The following MYH3 variants were observed in gnomAD, a reference collection of about 807,000 sequenced individuals.
MYH3 encodes myosin heavy chain 3.
A neutral mutation model predicts 238.0 loss-of-function variants in MYH3; 130 were observed. That is an observed-to-expected ratio of 0.55 (90% confidence interval 0.47 to 0.63). The LOEUF (loss-of-function observed/expected upper bound fraction) is 0.63, where lower values mean the gene tolerates loss of function less well. MYH3 is among the 30% of genes least tolerant of loss of function. The pLI, the probability that MYH3 is intolerant of heterozygous loss-of-function variation, is 0.00. For missense variants in MYH3, 1,853 were observed against 2,374.9 expected (o/e 0.78, Z 4.57); for synonymous variants, 880 against 924.1 (o/e 0.95, Z 0.86).
intron 17 of MYH3, among the ~76,000 whole-genome samples, chr17:10,641,595 ACCT>A (rs775570480): frequency 6.1e-5 from 9 of 148,326 alleles, no homozygotes; most frequent in Non-Finnish European, 1.2e-4. Flanking sequence ...GCTCACTGCA[ACCT>A]CCTCCTCCTA....
At chr17:10,659,320 G>A (rs540273313), upstream of MYH3, among the ~76,000 whole-genome samples, 6 of 152,216 alleles carry the variant, frequency 3.9e-5, no homozygotes, top group East Asian at 1.9e-4. Context: ...ATGGCTTCTC[G>A]CCTGGCTTTC....
At position 10,631,524 on chromosome 17, in the gene MYH3, G is replaced by C. The variant is rs577359224; in HGVS notation, c.5286+87C>G. 13 of 1,591,698 alleles carry C rather than the reference G, an allele frequency of 8.2e-6. No individual in the cohort carries two copies. In the African/African-American group the frequency reaches 1.1e-4, roughly 13 times the overall value. On this transcript the variant is annotated intron_variant, in intron 36 of 40. Transcript: ENST00000583535. ...GCAGAATGTGCACCAGGTGTGGCTGGGGGAGACCGCACCTGTCTAACTATG... is the reference window on the plus strand; with the variant it reads ...GCAGAATGTGCACCAGGTGTGGCTGCGGGAGACCGCACCTGTCTAACTATG...
intron 27 of MYH3, 26 bp downstream of exon 27, chr17:10,638,017 T>G (rs1216364421): frequency 1.9e-6 from 3 of 1,613,920 alleles, no homozygotes; most frequent in Admixed American, 3.3e-5. Context: ...TGGAAAGCCT[T>G]GAGCCACCCC....
the MYH3 span, among the ~76,000 whole-genome samples, chr17:10,666,127 A>G: frequency 6.6e-6 from 1 of 152,244 alleles, no homozygotes; most frequent in Non-Finnish European, 1.5e-5. Flanking sequence ...CAAAATGCAA[A>G]GCCAGGAAAC....
the MYH3 span, among the ~76,000 whole-genome samples, chr17:10,667,761 A>AAAATAT: frequency 1.2e-4 from 19 of 152,204 alleles, no homozygotes; most frequent in African/African-American, 4.6e-4. Flanking sequence ...TTAAAAAAAA[A>AAAATAT]ACAGTGTTCT....
chr17:10,644,794 G>T, intron 12 of MYH3, 92 bp from the exon 13 acceptor site: 1 of 1,004,068 alleles, frequency 1.0e-6, no homozygotes, highest in Non-Finnish European at 1.6e-6. Flanking sequence ...GTTCATCTTG[G>T]TACATTGTGC....
rs761623039 is a variant in MYH3, at chr17:10,629,695, C to A, written c.5698G>T (p.Ala1900Ser). 26 of 1,614,214 alleles carry A rather than the reference C, an allele frequency of 1.6e-5. No homozygotes were observed. Among genetic ancestry groups the A allele is most frequent in the Non-Finnish European group, 2.2e-5 (26 of 1,180,046 alleles). The change falls in exon 40 of 41, where the codon GCT becomes TCT. Residue 1900 changes from alanine (A) to serine (S), a missense_variant. Coordinates refer to ENST00000583535, the MANE Select transcript of MYH3 (RefSeq NM_002470.4). ...TCGGCCTCCTCCAGCTCATGCTGAG[C>A]CTTTCGGAATTTGGTGAGATGAGCA... ...ANAHLTKFRK[A>S]QHELEEAEER... is the part of the protein sequence containing the mutation.
upstream of MYH3, among the ~76,000 whole-genome samples, chr17:10,659,855 C>T (rs1025709518): frequency 6.6e-6 from 1 of 152,238 alleles, no homozygotes; most frequent in Non-Finnish European, 1.5e-5. Context: ...TAGAGGTCAG[C>T]TCTCCAGGAG....
At chr17:10,667,909 T>C in the MYH3 span, among the ~76,000 whole-genome samples, 1 of 152,096 alleles carries the variant, frequency 6.6e-6, no homozygotes, top group Non-Finnish European at 1.5e-5. Context: ...TTGAACCATA[T>C]AAATGGTTTA....
In MYH3 at chr17:10,639,596, G is replaced by A; in HGVS notation, c.2889C>T (p.Ala963=). 1 of 1,614,010 alleles carries A rather than the reference G, an allele frequency of 6.2e-7. No homozygotes were observed. Among genetic ancestry groups the A allele is most frequent in the Non-Finnish European group, 8.5e-7 (1 of 1,180,002 alleles). Residue 963 remains alanine (A), a synonymous_variant, in exon 23 of 41, where the codon GCC becomes GCT. Coordinates refer to ENST00000583535, the MANE Select transcript of MYH3 (RefSeq NM_002470.4). ...KDIDDLELTL[A]KVEKEKHATE... The stretch of plus-strand genomic sequence containing the variant: ...TGGCATGCTTCTCCTTCTCAACCTT[G>A]GCCAGGGTCAACTCAAGGTCATCAA...
At chr17:10,670,537 G>A in the MYH3 span, among the ~76,000 whole-genome samples, 2 of 152,076 alleles carry the variant, frequency 1.3e-5, no homozygotes, top group African/African-American at 2.4e-5. This position sits in a 1 kb window ranked among gnomAD's most constrained non-coding sequence, Gnocchi z 7.0. Context: ...TTGAACTCTG[G>A]GGCTCAAGCA....
the MYH3 span, among the ~76,000 whole-genome samples, chr17:10,670,595 C>T: frequency 6.6e-6 from 1 of 152,064 alleles, no homozygotes. This position sits in a 1 kb window ranked among gnomAD's most constrained non-coding sequence, Gnocchi z 7.0. Context: ...AAGCACATGC[C>T]ACAGTGCCCA....
In MYH3 at chr17:10,631,943, C is replaced by G. The variant is rs766750914; in HGVS notation, c.5030G>C (p.Arg1677Pro). 6.2e-7 allele frequency: 1 copy of G among 1,613,952 alleles called. No homozygotes were observed. The highest frequency in any genetic ancestry group is 1.3e-5 in the African/African-American group (1 of 74,912). Residue 1677 changes from arginine to proline, a missense_variant, in exon 35 of 41, where the codon CGC (arginine) becomes CCC (proline). This residue lies in a region of MYH3 where 1,044 missense variants were observed against 1,192.6 expected (regional missense o/e 0.88). Coordinates refer to ENST00000583535, the MANE Select transcript of MYH3 (RefSeq NM_002470.4). ...CTCGGCCTGCAGCAGGTTGGCTCTG[C>G]GCTCCACAATCGCCAGCTGCTCCTT... ...DLKEQLAIVE[R>P]RANLLQAEVE... is the part of the protein sequence containing the mutation.
At chr17:10,634,700 C>T (rs2074196536) in intron 31 of MYH3, 140 bp downstream of exon 31, 1 of 981,456 alleles carries the variant, frequency 1.0e-6, no homozygotes, top group Non-Finnish European at 1.6e-6. Flanking sequence ...GAAACTACAG[C>T]CCGGTGAAGT....
chr17:10,630,008 T>C (rs1292278816), intron 38 of MYH3, 71 bp from the exon 39 acceptor site: 1 of 1,605,294 alleles, frequency 6.2e-7, no homozygotes, highest in Non-Finnish European at 8.5e-7. Context: ...GGCAGCTTTC[T>C]GGGCCAAAGT....
At chr17:10,652,985 G>T (rs538202333) in intron 3 of MYH3, among the ~76,000 whole-genome samples, 1 of 152,160 alleles carries the variant, frequency 6.6e-6, no homozygotes, top group East Asian at 1.9e-4. Context: ...GAGATGGAAG[G>T]GCCAAACCCT....
At chr17:10,670,758 CTACGGCTTACTTGCTCAAAG>C in the MYH3 span, among the ~76,000 whole-genome samples, 1 of 151,560 alleles carries the variant, frequency 6.6e-6, no homozygotes, top group African/African-American at 2.4e-5. This position sits in a 1 kb window ranked among gnomAD's most constrained non-coding sequence, Gnocchi z 7.0. Context: ...GATCAAACTT[CTACGGCTTACTTGCTCAAAG>C]TACATATTGG....
In MYH3 at chr17:10,641,389, A is replaced by G; in HGVS notation, c.1960-17T>C. 1.7e-6 allele frequency: 2 copies of G among 1,169,642 alleles called. No homozygotes were observed. Among genetic ancestry groups the G allele is most frequent in the South Asian group, 1.2e-5 (1 of 83,490 alleles). 72.5% of individuals were successfully genotyped at this position (1,169,642 alleles called of 1,614,324 possible). A position where few individuals can be genotyped will look rare whatever the true frequency, so the allele number is the denominator to read the frequency against. ...CAGGTTTTCCTAAGAGAAAAAAAAA[A>G]TGACATTTGCCATCCTACTGTAGGT... is the stretch of plus-strand genomic sequence containing the variant. On this transcript the variant is annotated splice_polypyrimidine_tract_variant and intron_variant, in intron 17 of 40. Transcript: ENST00000583535.
chr17:10,674,299 G>A, the MYH3 span: 20 of 162,484 alleles, frequency 1.2e-4, 1 homozygote, highest in East Asian at 1.8e-3. Context: ...GGTGGCGGGC[G>A]CCTGTAATCC....
Sources: gnomAD v4.1 joint callset for allele counts (sites outside exome capture counted in the v4.1 genomes callset) on GRCh38, gnomAD v4.1.1 for gene constraint, gnomAD v4.1.1 regional missense constraint, Gnocchi (gnomAD v3.1) non-coding constraint, MANE v1.5 for transcripts, NCBI Gene and HGNC (gene_info 2026-07-23, HGNC 2026-07-21) for gene names.